C16orf89: variants seen among roughly 807,000 people sequenced by gnomAD.
C16orf89 encodes UPF0764 protein C16orf89.
A neutral mutation model predicts 41.5 loss-of-function variants in C16orf89; 57 were observed. The observed-to-expected ratio is 1.38, with a 90% CI of 1.11 to 1.71. C16orf89 has a LOEUF of 1.71. Among genes scored for constraint, C16orf89 ranks in the 40% most tolerant of loss-of-function variants. The probability of loss-of-function intolerance (pLI) is 0.00; values close to 1 mark genes in which losing one functional copy is unlikely to be tolerated. For synonymous variants in C16orf89, 223 were observed against 190.6 expected, an observed-to-expected ratio of 1.17 and a Z score of -1.40; for missense variants, 575 against 445.9, an observed-to-expected ratio of 1.29 and a Z score of -2.61.
At chr16:5,061,170 G>A (rs1324027629) in intron 2 of C16orf89, among the ~76,000 whole-genome samples, 1 of 148,036 alleles carries the variant, frequency 6.8e-6, no homozygotes, top group African/African-American at 2.5e-5. Context: ...GCTGAGGCAG[G>A]AGAATAGCAT....
At chr16:5,054,428 C>G (rs1436107756) in intron 6 of C16orf89, among the ~76,000 whole-genome samples, 1 of 152,158 alleles carries the variant, frequency 6.6e-6, no homozygotes, top group Non-Finnish European at 1.5e-5. Context: ...TCCCAGTCAC[C>G]CACCTGGAGA....
intron 4 of C16orf89, among the ~76,000 whole-genome samples, chr16:5,056,916 G>A (rs1397005705): frequency 6.6e-6 from 1 of 152,114 alleles, no homozygotes; most frequent in Non-Finnish European, 1.5e-5. Flanking sequence ...TTTTTTGAAT[G>A]AAGATAATGA....
At chr16:5,050,008 T>G (rs7203316) in intron 6 of C16orf89, among the ~76,000 whole-genome samples, 3 of 152,210 alleles carry the variant, frequency 2.0e-5, no homozygotes, top group Non-Finnish European at 4.4e-5. Flanking sequence ...AAAAGGAACT[T>G]TTACAGCTGA....
Position 5,058,540 on chromosome 16 carries a change from C to T in C16orf89, c.580G>A (p.Gly194Ser), listed in dbSNP as rs377449449. The change falls in exon 4 of 8, where the codon GGC becomes AGC. Residue 194 changes from glycine to serine, a missense_variant. Physicochemically the swap from Gly to Ser is moderately conservative, Grantham distance 56. Coordinates refer to ENST00000472572, the MANE Select transcript of C16orf89 (RefSeq NM_001098514.3). ...RSLMTKPGCS[G>S]YCLSHQLLFF... ...AGCAGTTGGTGGGACAGGCAGTAGCCTGAGCAGCCGGGCTTGGTCATGAGG... is the reference window on the plus strand; with the variant it reads ...AGCAGTTGGTGGGACAGGCAGTAGCTTGAGCAGCCGGGCTTGGTCATGAGG... The T allele has an allele frequency of 1.2e-6, 2 of 1,612,792 alleles. No individual in the cohort carries two copies. The highest frequency in any genetic ancestry group is 1.3e-5 in the African/African-American group (1 of 75,034).
Position 5,055,635 on chromosome 16 carries a change from C to T in C16orf89, c.764-285G>A, listed in dbSNP as rs540279381. The T allele has an allele frequency of 9.1e-5, 134 of 1,476,508 alleles. No individual in the cohort carries two copies. The African/African-American group carries it at 1.4e-3, about 15-fold the overall frequency. The allele number at this position is 1,476,508 out of a possible 1,614,324, so 91.5% of individuals were successfully genotyped here. The stretch of plus-strand genomic sequence containing the variant: ...CCCAGCCAGCTAGCAGCCTCCCAAG[C>T]GCTCCCTGTCTGCCTCATCCATAAG... On this transcript the variant is annotated intron_variant, in intron 5 of 7. Transcript: ENST00000472572.
In C16orf89 at chr16:5,063,778, A is replaced by G. The variant is rs77420716; in HGVS notation, c.209-1204T>C. On this transcript the variant is annotated intron_variant, in intron 1 of 7. Coordinates refer to ENST00000472572, the MANE Select transcript of C16orf89 (RefSeq NM_001098514.3). The stretch of plus-strand genomic sequence containing the variant: ...GCAGGAAAACAGTCTCAGGGCTTCA[A>G]CTGATTCTACATTGTGGCGAGTTGT... Among the ~76,000 whole-genome samples, 1,506 of 152,286 alleles carry G rather than the reference A, an allele frequency of 9.9e-3. 25 individuals carry two copies. The highest frequency in any genetic ancestry group is 0.034 in the African/African-American group (1,404 of 41,536).
intron 1 of C16orf89, among the ~76,000 whole-genome samples, chr16:5,064,777 C>G (rs1247347157): frequency 2.0e-5 from 3 of 152,188 alleles, no homozygotes; most frequent in Non-Finnish European, 4.4e-5. Flanking sequence ...CTGCAGCTGC[C>G]AAGGAGTGGG....
chr16:5,062,391 T>C, intron 2 of C16orf89, 34 bp downstream of exon 2: 3 of 1,584,288 alleles, frequency 1.9e-6, no homozygotes, highest in Non-Finnish European at 2.6e-6. Context: ...TAGGCGCTAT[T>C]CCTGAGGGAA....
chr16:5,049,598 A>G (rs545952172), intron 6 of C16orf89, among the ~76,000 whole-genome samples: 1 of 152,372 alleles, frequency 6.6e-6, no homozygotes, highest in South Asian at 2.1e-4. Flanking sequence ...ATGTTCCTGA[A>G]TGACCAATGA....
At chr16:5,055,467 G>A (rs1314316948) in intron 5 of C16orf89, 117 bp from the exon 6 acceptor site, 2 of 1,072,106 alleles carry the variant, frequency 1.9e-6, no homozygotes, top group Non-Finnish European at 2.7e-6. Context: ...CTTAGGAGGT[G>A]GGCGTTCAAT....
At position 5,056,142 on chromosome 16, in the gene C16orf89, T is replaced by C. The variant is rs370738780; in HGVS notation, c.674A>G (p.Asn225Ser). The C allele has an allele frequency of 2.5e-6, 4 of 1,598,246 alleles. No homozygotes were observed. Among genetic ancestry groups the C allele is most frequent in the African/African-American group, 2.7e-5 (2 of 74,600 alleles). ...GTCCATCATGTTGGCGCAGAAGAGG[T>C]TGATATAGTCCTGGCTCTGTTGGAG... Reference protein sequence around the residue: ...GPLQQSQDYINLFCANMMDLN... With the variant: ...GPLQQSQDYISLFCANMMDLN... The change falls in exon 5 of 8, where the codon AAC becomes AGC. Residue 225 changes from asparagine (N) to serine (S), a missense_variant. Coordinates refer to ENST00000472572, the MANE Select transcript of C16orf89 (RefSeq NM_001098514.3).
intron 6 of C16orf89, among the ~76,000 whole-genome samples, chr16:5,051,957 G>A (rs1161290551): frequency 9.2e-5 from 14 of 151,858 alleles, no homozygotes; most frequent in East Asian, 1.9e-4. Context: ...AATATTAGCC[G>A]GGCATGATGG....
chr16:5,065,897 C>T lies in C16orf89; in HGVS notation c.12G>A (p.Leu4=), dbSNP rs376866956. The change falls in exon 1 of 8, where the codon CTG becomes CTA. Residue 4 remains leucine, a synonymous_variant. Transcript: ENST00000472572. MAS[L]GLLLLLLLTA... is the part of the protein sequence containing the mutation. ...TCAGTAAGAGCAGGAGCAGCAGCCC[C>T]AGGCTGGCCATGGCCGGCCTCTGCT... 1 of 1,613,544 alleles carries T rather than the reference C, an allele frequency of 6.2e-7. No homozygotes were observed. Among genetic ancestry groups the T allele is most frequent in the Non-Finnish European group, 8.5e-7 (1 of 1,179,780 alleles).
intron 2 of C16orf89, among the ~76,000 whole-genome samples, chr16:5,061,031 C>A (rs7188929): frequency 6.9e-6 from 1 of 144,238 alleles, no homozygotes; most frequent in East Asian, 2.1e-4. Context: ...GAAGCCAAGG[C>A]GGGCGAATCA....
At chr16:5,060,105 G>T in intron 3 of C16orf89, 181 bp downstream of exon 3, 1 of 664,946 alleles carries the variant, frequency 1.5e-6, no homozygotes, top group Non-Finnish European at 2.3e-6. Context: ...CGGGCGGCTG[G>T]AGCAAGGGGG....
Position 5,044,177 on chromosome 16 carries a change from AC to A in C16orf89, c.*170del, listed in dbSNP as rs1161476893. 2 of 1,375,872 alleles carry A rather than the reference AC, an allele frequency of 1.5e-6. No individual in the cohort carries two copies. The highest frequency in any genetic ancestry group is 3.0e-5 in the African/African-American group (2 of 67,436). 85.2% of individuals were successfully genotyped at this position (1,375,872 alleles called of 1,614,324 possible). On this transcript the variant is annotated 3_prime_UTR_variant, in exon 8 of 8. Transcript: ENST00000472572. ...CACACCTGGGTCCCTCCCGGCCCCC[AC>A]CTACCCTGGCCTTGCCTACTCAGGG... is the stretch of plus-strand genomic sequence containing the variant.
At chr16:5,051,196 T>C (rs1473616211) in intron 6 of C16orf89, among the ~76,000 whole-genome samples, 6 of 152,166 alleles carry the variant, frequency 3.9e-5, no homozygotes, top group Admixed American at 3.9e-4. Context: ...CTAGAAGTCT[T>C]AGCCAGAGCA....
chr16:5,044,047 G>C (rs142591472), downstream of C16orf89: 1 of 861,274 alleles, frequency 1.2e-6, no homozygotes, highest in Non-Finnish European at 1.4e-6. Context: ...TGTTGAGTGG[G>C]ATTGGAGAGT....
intron 7 of C16orf89, among the ~76,000 whole-genome samples, chr16:5,045,509 G>T (rs912556976): frequency 1.3e-5 from 2 of 152,172 alleles, no homozygotes; most frequent in African/African-American, 4.8e-5. Context: ...CCTACCCAGA[G>T]ACTTTGGGAA....
Sources: gnomAD v4.1 joint callset for allele counts (sites outside exome capture counted in the v4.1 genomes callset) on GRCh38, gnomAD v4.1.1 for gene constraint, MANE v1.5 for transcripts, NCBI Gene and HGNC (gene_info 2026-07-23, HGNC 2026-07-21) for gene names.